Variants in SORCS2 observed in about 807,000 individuals in gnomAD.
SORCS2 encodes the protein VPS10 domain-containing receptor SorCS2.
Under a neutral mutation model 141.6 loss-of-function variants are expected in SORCS2, and 100 were observed. The ratio of observed to expected loss-of-function variants is 0.71; its 90% CI spans 0.60 to 0.83. SORCS2 has a LOEUF of 0.83. Ranked by LOEUF, SORCS2 falls within the 40% of genes least tolerant of loss-of-function variation. SORCS2 has a pLI of 0.00. For missense variants in SORCS2, 1,646 were observed against 1,560.2 expected (o/e 1.05, Z -0.93); for synonymous variants, 789 against 676.9 (o/e 1.17, Z -2.57).
At position 7,434,396 on chromosome 4, in the gene SORCS2, C is replaced by T. The variant is rs1207488744; in HGVS notation, c.548+38041C>T. On this transcript the variant is annotated intron_variant, in intron 2 of 26. Transcript: ENST00000507866. Reference sequence around the variant, plus strand: ...GGCCCATTGGCCATGAACGGAGCCACAGCCTCAAAGGTGTCCTCTTTGGAG... The same window carrying T: ...GGCCCATTGGCCATGAACGGAGCCATAGCCTCAAAGGTGTCCTCTTTGGAG... The T allele has an allele frequency of 4.4e-6, 7 of 1,607,608 alleles. No individual in the cohort carries two copies. The highest frequency in any genetic ancestry group is 5.1e-6 in the Non-Finnish European group (6 of 1,177,712).
chr4:7,635,197 A>G (rs1441336721), intron 3 of SORCS2, among the ~76,000 whole-genome samples: 1 of 152,212 alleles, frequency 6.6e-6, no homozygotes, highest in Admixed American at 6.5e-5. Context: ...AGGCTCAGCT[A>G]AAATGCCCCA....
Position 7,201,363 on chromosome 4 carries a change from T to C in SORCS2, c.480+8237T>C, listed in dbSNP as rs544047689. Among the ~76,000 whole-genome samples the C allele has an allele frequency of 6.6e-6, 1 of 152,358 alleles. No homozygotes were observed. Among genetic ancestry groups the C allele is most frequent in the Admixed American group, 6.5e-5 (1 of 15,312 alleles). ...ACATTTCACAAATCCACTTTTACTT[T>C]AATAAAGGGCGATTTAATTTGTAGT... On this transcript the variant is annotated intron_variant, in intron 1 of 26. Coordinates refer to ENST00000507866, the MANE Select transcript of SORCS2 (RefSeq NM_020777.3). This position sits in a 1 kb window ranked among gnomAD's most constrained non-coding sequence, Gnocchi z 4.4.
intron 2 of SORCS2, among the ~76,000 whole-genome samples, chr4:7,505,881 G>A (rs1320407684): frequency 6.6e-6 from 1 of 152,188 alleles, no homozygotes; most frequent in African/African-American, 2.4e-5. Context: ...AGTGGCAGTC[G>A]ATGGACAAAA....
At chr4:7,564,566 C>T (rs1156954920) in intron 3 of SORCS2, among the ~76,000 whole-genome samples, 1 of 152,176 alleles carries the variant, frequency 6.6e-6, no homozygotes, top group Non-Finnish European at 1.5e-5. Flanking sequence ...GCACATTGCT[C>T]CCAGTGTACT....
At chr4:7,285,961 G>A (rs1242643740) in intron 1 of SORCS2, among the ~76,000 whole-genome samples, 1 of 152,168 alleles carries the variant, frequency 6.6e-6, no homozygotes, top group Admixed American at 6.5e-5. Flanking sequence ...GAGGCCCAGT[G>A]CGGGGACCAG....
chr4:7,384,429 C>T (rs1240678677), intron 1 of SORCS2, among the ~76,000 whole-genome samples: 2 of 152,134 alleles, frequency 1.3e-5, no homozygotes, highest in South Asian at 2.1e-4. Context: ...CCTGCCTGCC[C>T]ACAGTGCACC....
chr4:7,664,337 C>A lies in SORCS2; in HGVS notation c.953-16C>A. 2.5e-6 allele frequency: 4 copies of A among 1,606,150 alleles called. No homozygotes were observed. The highest frequency in any genetic ancestry group is 3.4e-6 in the Non-Finnish European group (4 of 1,174,622). On this transcript the variant is annotated splice_polypyrimidine_tract_variant and intron_variant, in intron 6 of 26. Coordinates refer to ENST00000507866, the MANE Select transcript of SORCS2 (RefSeq NM_020777.3). The surrounding 1 kb of genome is among the most constrained non-coding windows in gnomAD (Gnocchi z 4.7). ...GCTGGAGTCTGACCGCCTGGGTCGGCGCCTCTCTCCTGTAGATTTTCGGTA... is the reference window on the plus strand; with the variant it reads ...GCTGGAGTCTGACCGCCTGGGTCGGAGCCTCTCTCCTGTAGATTTTCGGTA...
chr4:7,715,038 G>A, intron 16 of SORCS2, 145 bp from the exon 17 acceptor site: 2 of 1,121,012 alleles, frequency 1.8e-6, no homozygotes, highest in Non-Finnish European at 1.3e-6. Flanking sequence ...GGCTGTGGGT[G>A]TTCCTTGATG....
At chr4:7,555,757 A>T (rs918976311) in intron 3 of SORCS2, among the ~76,000 whole-genome samples, 5 of 152,216 alleles carry the variant, frequency 3.3e-5, no homozygotes. Flanking sequence ...TTTTCCCTGC[A>T]AAAGTGGCAT....
chr4:7,591,466 G>C (rs1174897050), intron 3 of SORCS2, among the ~76,000 whole-genome samples: 2 of 152,142 alleles, frequency 1.3e-5, no homozygotes, highest in African/African-American at 4.8e-5. Flanking sequence ...GAAGGGTTTT[G>C]GGGAGACAGG....
intron 8 of SORCS2, among the ~76,000 whole-genome samples, 198 bp from the exon 9 acceptor site, chr4:7,675,852 G>A (rs957550122): frequency 6.6e-6 from 1 of 152,208 alleles, no homozygotes; most frequent in South Asian, 2.1e-4. Context: ...ATGGGGAAAT[G>A]GAGGCCCAAG....
intron 2 of SORCS2, among the ~76,000 whole-genome samples, chr4:7,486,096 G>A (rs1476684854): frequency 1.3e-5 from 2 of 152,292 alleles, no homozygotes; most frequent in African/African-American, 2.4e-5. Flanking sequence ...AGACTGAAGC[G>A]TCCCTTTGTC....
At position 7,267,499 on chromosome 4, in the gene SORCS2, C is replaced by G. The variant is rs182531848; in HGVS notation, c.480+74373C>G. On this transcript the variant is annotated intron_variant, in intron 1 of 26. Transcript: ENST00000507866. ...CCAGCCCTGGCCCGTAAGCAGAACTCGCTGGATACATGGAGGAAAGATGGA... is the reference window on the plus strand; with the variant it reads ...CCAGCCCTGGCCCGTAAGCAGAACTGGCTGGATACATGGAGGAAAGATGGA... Among the ~76,000 whole-genome samples, 13 of 152,212 alleles carry G rather than the reference C, an allele frequency of 8.5e-5. No individual in the cohort carries two copies. The East Asian group carries it at 2.5e-3, about 29-fold the overall frequency.
At chr4:7,682,699 T>A in intron 9 of SORCS2, 44 bp from the exon 10 acceptor site, 1 of 1,567,386 alleles carries the variant, frequency 6.4e-7, no homozygotes, top group Non-Finnish European at 8.7e-7. Context: ...GTCATCAGAG[T>A]GCTCCAGTGT....
At position 7,718,141 on chromosome 4, in the gene SORCS2, G is replaced by A; in HGVS notation, c.2382G>A (p.Val794=). ...GCATTCAAGGCGAGGCGGTGGCCGT[G>A]CGGCCTGGAGAGGACGTCCTGTTTG... The part of the protein sequence containing the change: ...QVSIQGEAVA[V]RPGEDVLFVV... Residue 794 remains valine, a synonymous_variant, in exon 18 of 27, where the codon GTG becomes GTA. Transcript: ENST00000507866. 1 of 1,611,870 alleles carries A rather than the reference G, an allele frequency of 6.2e-7. No individual in the cohort carries two copies. The highest frequency in any genetic ancestry group is 8.5e-7 in the Non-Finnish European group (1 of 1,179,352).
intron 2 of SORCS2, among the ~76,000 whole-genome samples, chr4:7,443,288 G>T (rs1727792232): frequency 6.6e-6 from 1 of 152,214 alleles, no homozygotes; most frequent in Admixed American, 6.5e-5. Context: ...TTCAGATCCA[G>T]CCTTGGCCCT....
intron 3 of SORCS2, among the ~76,000 whole-genome samples, chr4:7,600,532 G>T (rs927984223): frequency 6.6e-6 from 1 of 152,146 alleles, no homozygotes; most frequent in African/African-American, 2.4e-5. Flanking sequence ...CCGGCTGGCA[G>T]GGGAGGCAGA....
chr4:7,622,006 G>A (rs886776276), intron 3 of SORCS2, among the ~76,000 whole-genome samples: 2 of 152,114 alleles, frequency 1.3e-5, no homozygotes, highest in Non-Finnish European at 2.9e-5. Context: ...ACTGATATCC[G>A]GGTGTGCGAT....
chr4:7,194,979 G>A (rs1046628909), intron 1 of SORCS2, among the ~76,000 whole-genome samples: 2 of 152,096 alleles, frequency 1.3e-5, no homozygotes, highest in Admixed American at 1.3e-4. Context: ...GCCTGCCCCT[G>A]TCCTGACCTC....
Sources: allele counts gnomAD v4.1 joint callset (sites outside exome capture counted in the v4.1 genomes callset), GRCh38; gene constraint gnomAD v4.1.1; non-coding constraint Gnocchi (gnomAD v3.1); transcripts MANE v1.5; gene names NCBI Gene and HGNC (gene_info 2026-07-23, HGNC 2026-07-21).